Variants in SNCG observed in about 807,000 individuals in gnomAD.
SNCG encodes the protein synuclein gamma.
A neutral mutation model predicts 16.0 loss-of-function variants in SNCG; 13 were observed. The observed-to-expected ratio is 0.81, with a 90% CI of 0.53 to 1.29. The LOEUF is 1.29. SNCG is among the 50% of genes most tolerant of loss of function. The pLI is 0.00. For synonymous variants in SNCG, 66 were observed against 66.3 expected (o/e 1.00, Z 0.02); for missense variants, 154 against 168.5 (o/e 0.91, Z 0.48).
chr10:86,958,301 G>T, upstream of SNCG: 2 of 985,158 alleles, frequency 2.0e-6, no homozygotes, highest in Non-Finnish European at 2.4e-6. Context: ...CAGCACCCCT[G>T]GGGCCAAGAG....
chr10:86,960,850 T>C (rs1266435886), intron 3 of SNCG, among the ~76,000 whole-genome samples: 4 of 152,232 alleles, frequency 2.6e-5, no homozygotes, highest in African/African-American at 9.7e-5. Flanking sequence ...CTTTACGCAT[T>C]GTACGCTTAT....
At chr10:86,957,585 T>G (rs1368974981), upstream of SNCG, 2 of 1,552,948 alleles carry the variant, frequency 1.3e-6, no homozygotes, top group East Asian at 2.3e-5. Flanking sequence ...CCTTGGCAAG[T>G]AGCTCCAGAA....
In SNCG at chr10:86,960,559, C is replaced by T. The variant is rs370225575; in HGVS notation, c.291+431C>T. 2.0e-5 allele frequency among the ~76,000 whole-genome samples: 3 copies of T among 152,232 alleles called. No homozygotes were observed. The East Asian group carries it at 5.8e-4, about 29-fold the overall frequency. On this transcript the variant is annotated intron_variant, in intron 3 of 4. Transcript: ENST00000372017. ...GCCTCCCTCCCTGGGCTGGGCGGGG[C>T]AGCTGCCTCCTGCTGGGAGCCTCAG... is the stretch of plus-strand genomic sequence containing the variant.
At chr10:86,961,418 G>C (rs554437905) in intron 3 of SNCG, among the ~76,000 whole-genome samples, 1 of 152,160 alleles carries the variant, frequency 6.6e-6, no homozygotes, top group African/African-American at 2.4e-5. Flanking sequence ...TGGTCTATGT[G>C]AGCACCCAGC....
Position 86,959,527 on chromosome 10 carries a change from C to A in SNCG, c.122-106C>A. On this transcript the variant is annotated intron_variant, in intron 1 of 4. Transcript: ENST00000372017. This position sits in a 1 kb window ranked among gnomAD's most constrained non-coding sequence, Gnocchi z 4.3. ...CGCCGGCCCCCAGACACCATCCTTA[C>A]CCCCCCACCGACCCCACAGTTTGTC... is the stretch of plus-strand genomic sequence containing the variant. 5 of 955,252 alleles carry A rather than the reference C, an allele frequency of 5.2e-6. No homozygotes were observed. The highest frequency in any genetic ancestry group is 6.6e-6 in the Non-Finnish European group (4 of 603,730). 59.2% of individuals were successfully genotyped at this position (955,252 alleles called of 1,614,324 possible).
chr10:86,959,475 C>T lies in SNCG; in HGVS notation c.122-158C>T, dbSNP rs1844300266. 1 of 665,762 alleles carries T rather than the reference C, an allele frequency of 1.5e-6. No individual in the cohort carries two copies. The highest frequency in any genetic ancestry group is 2.7e-6 in the Non-Finnish European group (1 of 368,000). The allele number at this position is 665,762 out of a possible 1,614,324, so 41.2% of individuals were successfully genotyped here. ...CCCATCCATCCACTTCTTCCAGACA[C>T]AGCAGGAAGAGGCCCTCTGAAGGGG... On this transcript the variant is annotated intron_variant, in intron 1 of 4. Transcript: ENST00000372017. The surrounding 1 kb of genome is among the most constrained non-coding windows in gnomAD (Gnocchi z 4.3).
intron 4 of SNCG, 89 bp from the exon 5 acceptor site, chr10:86,962,876 G>A: frequency 6.9e-7 from 1 of 1,457,628 alleles, no homozygotes. Context: ...CAGGCATGGG[G>A]CACAGAAGAC....
intron 3 of SNCG, among the ~76,000 whole-genome samples, chr10:86,961,352 G>C (rs561834311): frequency 6.6e-6 from 1 of 152,014 alleles, no homozygotes; most frequent in Admixed American, 6.5e-5. Flanking sequence ...TGAGAGTGTC[G>C]GCCTCCCTGG....
chr10:86,959,362 C>A lies in SNCG; in HGVS notation c.122-271C>A. ...TTGCTGCTTCTGAGGCCCGGCCACA[C>A]CCGGGCAGGGGCTGGACCCTGGGTC... is the stretch of plus-strand genomic sequence containing the variant. On this transcript the variant is annotated intron_variant, in intron 1 of 4. Transcript: ENST00000372017. This position sits in a 1 kb window ranked among gnomAD's most constrained non-coding sequence, Gnocchi z 4.3. 1 of 564,656 alleles carries A rather than the reference C, an allele frequency of 1.8e-6. No individual in the cohort carries two copies. The allele number at this position is 564,656 out of a possible 1,614,324, so 35.0% of individuals were successfully genotyped here.
rs1314456636 is a variant in SNCG at position 86,963,107 on chromosome 10, TCCCTGGCCA to T, written c.*127_*135del. On this transcript the variant is annotated 3_prime_UTR_variant, in exon 5 of 5. Transcript: ENST00000372017. ...GGCTGCCCACGCTCCTGCCCTCGTC[TCCCTGGCCA>T]CCCTTGGCCTGTCCACCTGTGCTGC... The T allele has an allele frequency of 1.9e-6, 2 of 1,030,716 alleles. No individual in the cohort carries two copies. The highest frequency in any genetic ancestry group is 3.2e-5 in the African/African-American group (2 of 61,962). 63.8% of individuals were successfully genotyped at this position (1,030,716 alleles called of 1,614,324 possible).
In SNCG at chr10:86,961,539, G is replaced by A. The variant is rs576241884; in HGVS notation, c.292-1065G>A. On this transcript the variant is annotated intron_variant, in intron 3 of 4. Coordinates refer to ENST00000372017, the MANE Select transcript of SNCG (RefSeq NM_003087.3). ...CCAGCAAAAGAGGCCCTGGGGTGAG[G>A]GTGCCCGGGCATTCCTTGTGAATCC... Among the ~76,000 whole-genome samples the A allele has an allele frequency of 2.6e-4, 39 of 152,166 alleles. No individual in the cohort carries two copies. The South Asian group carries it at 5.0e-3, about 19-fold the overall frequency.
At chr10:86,957,309 G>C, upstream of SNCG, 1 of 1,530,322 alleles carries the variant, frequency 6.5e-7, no homozygotes, top group Non-Finnish European at 9.0e-7. Context: ...GTCTAGAGAG[G>C]CTCTGCTCTA....
chr10:86,958,816 T>C lies in SNCG; in HGVS notation c.119T>C (p.Val40Ala). The C allele has an allele frequency of 6.2e-7, 1 of 1,604,240 alleles. No individual in the cohort carries two copies. Among genetic ancestry groups the C allele is most frequent in the Non-Finnish European group, 8.5e-7 (1 of 1,174,910 alleles). ...AAGACCAAGGAGGGGGTCATGTATG[T>C]GGGTAAGTGGGGCATGGCAGGGTGG... is the stretch of plus-strand genomic sequence containing the variant. Reference protein sequence around the residue: ...AEKTKEGVMYVGAKTKENVVQ... With the variant: ...AEKTKEGVMYAGAKTKENVVQ... Residue 40 changes from valine to alanine, a missense_variant and splice_region_variant, in exon 1 of 5, where the codon GTG becomes GCG. By Grantham distance (64) the Val-to-Ala change is moderately conservative (BLOSUM62 0). Transcript: ENST00000372017.
chr10:86,962,930 C>T, intron 4 of SNCG, 35 bp from the exon 5 acceptor site: 1 of 1,591,356 alleles, frequency 6.3e-7, no homozygotes, highest in Non-Finnish European at 8.5e-7. Context: ...AGGCTGGGGC[C>T]TGGAGCTGGG....
chr10:86,962,224 T>C (rs1360047140), intron 3 of SNCG, among the ~76,000 whole-genome samples: 3 of 150,274 alleles, frequency 2.0e-5, no homozygotes, highest in Non-Finnish European at 3.0e-5. Flanking sequence ...CAATCAGTCT[T>C]CCTTGTAGGG....
chr10:86,955,844 A>G (rs755772164), upstream of SNCG, among the ~76,000 whole-genome samples: 1 of 152,108 alleles, frequency 6.6e-6, no homozygotes, highest in Non-Finnish European at 1.5e-5. Context: ...ACACCTGGGC[A>G]TTCCTGGGCC....
upstream of SNCG, among the ~76,000 whole-genome samples, chr10:86,956,889 C>T (rs1384973304): frequency 6.6e-6 from 1 of 152,218 alleles, no homozygotes; most frequent in Non-Finnish European, 1.5e-5. Flanking sequence ...CTTGCTGGGT[C>T]GCTGAGGCAG....
At chr10:86,956,113 G>A (rs1037151345), upstream of SNCG, among the ~76,000 whole-genome samples, 3 of 152,076 alleles carry the variant, frequency 2.0e-5, no homozygotes, top group East Asian at 1.9e-4. Flanking sequence ...AAATCAGAGC[G>A]GAGTGGCTGG....
In SNCG at chr10:86,959,882, G is replaced by A; in HGVS notation, c.164-119G>A. 3.4e-6 allele frequency: 5 copies of A among 1,487,746 alleles called. No individual in the cohort carries two copies. Among genetic ancestry groups the A allele is most frequent in the Non-Finnish European group, 3.6e-6 (4 of 1,103,354 alleles). The allele number at this position is 1,487,746 out of a possible 1,614,324, so 92.2% of individuals were successfully genotyped here. A position where few individuals can be genotyped will look rare whatever the true frequency, so the allele number is the denominator to read the frequency against. On this transcript the variant is annotated intron_variant, in intron 2 of 4. Coordinates refer to ENST00000372017, the MANE Select transcript of SNCG (RefSeq NM_003087.3). The surrounding 1 kb of genome is among the most constrained non-coding windows in gnomAD (Gnocchi z 4.3). ...AGGTGCCCTGGAGTCAGAGGGAGCA[G>A]GGGAGGGTCCCAGCAGGGCCAGGGC... is the stretch of plus-strand genomic sequence containing the variant.
Sources: gnomAD v4.1 joint callset for allele counts (sites outside exome capture counted in the v4.1 genomes callset) on GRCh38, gnomAD v4.1.1 for gene constraint, Gnocchi (gnomAD v3.1) non-coding constraint, MANE v1.5 for transcripts, NCBI Gene and HGNC (gene_info 2026-07-23, HGNC 2026-07-21) for gene names.